BTBD9: variants seen among roughly 807,000 people sequenced by gnomAD.
The protein encoded by BTBD9 is BTB domain containing 9.
A neutral mutation model predicts 64.3 loss-of-function variants in BTBD9; 49 were observed. The observed-to-expected ratio is 0.76, with a 90% CI of 0.61 to 0.97. The LOEUF is 0.97. BTBD9 is among the 50% of genes least tolerant of loss of function. BTBD9 has a pLI of 0.00. For missense variants in BTBD9, 598 were observed against 762.1 expected (o/e 0.78, Z 2.53); for synonymous variants, 260 against 274.7 (o/e 0.95, Z 0.53).
At chr6:38,447,553 C>T (rs1299780309) in intron 6 of BTBD9, among the ~76,000 whole-genome samples, 1 of 152,124 alleles carries the variant, frequency 6.6e-6, no homozygotes, top group Admixed American at 6.5e-5. Flanking sequence ...TAGCATGTTG[C>T]TAAAGAGCAA....
intron 9 of BTBD9, among the ~76,000 whole-genome samples, chr6:38,235,801 C>CT (rs1175208402): frequency 1.3e-5 from 2 of 152,090 alleles, no homozygotes; most frequent in African/African-American, 4.8e-5. Flanking sequence ...TGGATCTTCC[C>CT]TTTTTTGTGC....
intron 9 of BTBD9, among the ~76,000 whole-genome samples, chr6:38,227,871 T>C (rs1763452684): frequency 6.6e-6 from 1 of 152,148 alleles, no homozygotes; most frequent in Admixed American, 6.5e-5. Context: ...CTGAAGAAAT[T>C]CAAAAGTGAA....
chr6:38,186,543 A>G (rs1421334007), intron 10 of BTBD9, among the ~76,000 whole-genome samples: 2 of 151,982 alleles, frequency 1.3e-5, no homozygotes, highest in Admixed American at 6.5e-5. Flanking sequence ...GCTTTCTTTG[A>G]CTGACTGACT....
intron 6 of BTBD9, among the ~76,000 whole-genome samples, chr6:38,532,240 T>C (rs1044667824): frequency 6.6e-6 from 1 of 152,122 alleles, no homozygotes; most frequent in African/African-American, 2.4e-5. Flanking sequence ...GCAGGAGCAT[T>C]TAGACCAGTC....
intron 1 of BTBD9, among the ~76,000 whole-genome samples, chr6:38,623,572 AAG>A (rs2127525622): frequency 6.6e-6 from 1 of 152,288 alleles, no homozygotes; most frequent in Non-Finnish European, 1.5e-5. Context: ...TTCTTAGGGG[AAG>A]AGTGTTGTTT....
intron 6 of BTBD9, among the ~76,000 whole-genome samples, chr6:38,403,072 G>C (rs1025828843): frequency 6.7e-6 from 1 of 148,700 alleles, no homozygotes; most frequent in East Asian, 2.0e-4. Context: ...CCAAAGAGAG[G>C]AGAGGGGAGG....
intron 1 of BTBD9, among the ~76,000 whole-genome samples, chr6:38,621,051 T>C (rs1777965413): frequency 6.6e-6 from 1 of 152,166 alleles, no homozygotes; most frequent in South Asian, 2.1e-4. Flanking sequence ...CCACAACCAG[T>C]GACATACCTA....
At chr6:38,604,637 G>A (rs1224325494) in intron 1 of BTBD9, among the ~76,000 whole-genome samples, 5 of 152,136 alleles carry the variant, frequency 3.3e-5, no homozygotes, top group Non-Finnish European at 5.9e-5. Flanking sequence ...ATGAAATTTA[G>A]AAAGTCAAAT....
chr6:38,531,752 G>A (rs569453250), intron 6 of BTBD9, among the ~76,000 whole-genome samples: 1 of 152,284 alleles, frequency 6.6e-6, no homozygotes, highest in East Asian at 1.9e-4. Context: ...TTGTGTATTA[G>A]TTTGTTTATG....
At chr6:38,228,864 C>T (rs1763503062) in intron 9 of BTBD9, among the ~76,000 whole-genome samples, 2 of 150,548 alleles carry the variant, frequency 1.3e-5, no homozygotes, top group African/African-American at 4.9e-5. Flanking sequence ...CAGAGCGAGG[C>T]TCCGTCTCAA....
chr6:38,523,138 G>A (rs767254061), intron 6 of BTBD9, among the ~76,000 whole-genome samples: 4 of 152,006 alleles, frequency 2.6e-5, no homozygotes, highest in Admixed American at 2.6e-4. Flanking sequence ...AGTTGAGATC[G>A]CTCCACTGTA....
chr6:38,378,853 G>A lies in BTBD9; in HGVS notation c.1155-33760C>T, dbSNP rs540904640. On this transcript the variant is annotated intron_variant, in intron 6 of 10. Transcript: ENST00000481247. ...GGCACTACTGCACTCCAGCCTGGGC[G>A]ACAAAGCAAGACTCCATCTCAAAAA... Among the ~76,000 whole-genome samples, 139 of 139,066 alleles carry A rather than the reference G, an allele frequency of 1.0e-3. 1 individual carries two copies. Among genetic ancestry groups the A allele is most frequent in the African/African-American group, 3.4e-3 (127 of 37,106 alleles). 91.2% of individuals were successfully genotyped at this position (139,066 alleles called of 152,430 possible).
intron 1 of BTBD9, among the ~76,000 whole-genome samples, chr6:38,600,715 A>G (rs1777211011): frequency 6.6e-6 from 1 of 152,182 alleles, no homozygotes; most frequent in African/African-American, 2.4e-5. Flanking sequence ...TACTTACTAA[A>G]TGACTCTTGA....
intron 9 of BTBD9, among the ~76,000 whole-genome samples, chr6:38,218,701 G>C (rs555230557): frequency 2.6e-5 from 4 of 152,282 alleles, no homozygotes; most frequent in African/African-American, 9.6e-5. Flanking sequence ...TGTGTGGCAC[G>C]GACAGAAGCT....
intron 1 of BTBD9, among the ~76,000 whole-genome samples, chr6:38,630,467 T>A (rs946840155): frequency 6.6e-6 from 1 of 152,190 alleles, no homozygotes; most frequent in African/African-American, 2.4e-5. Context: ...ATTGAAGGAT[T>A]GGGTATTATA....
intron 2 of BTBD9, chr6:38,595,920 T>C (rs1457281684): frequency 6.1e-6 from 6 of 985,384 alleles, no homozygotes; most frequent in Admixed American, 6.1e-5. Flanking sequence ...GTATGATCCA[T>C]GGTATTTATT....
intron 9 of BTBD9, among the ~76,000 whole-genome samples, chr6:38,247,076 T>G (rs1336202120): frequency 6.6e-6 from 1 of 151,924 alleles, no homozygotes; most frequent in Non-Finnish European, 1.5e-5. Context: ...TTGTTAAGTG[T>G]GAGATTAAGA....
chr6:38,437,460 T>C (rs1190875863), intron 6 of BTBD9, among the ~76,000 whole-genome samples: 2 of 152,242 alleles, frequency 1.3e-5, no homozygotes, highest in Non-Finnish European at 2.9e-5. Flanking sequence ...CCCATTACTA[T>C]TAATTTTTAC....
intron 6 of BTBD9, among the ~76,000 whole-genome samples, chr6:38,440,209 TAGAAA>T (rs1195338196): frequency 6.6e-6 from 1 of 152,084 alleles, no homozygotes; most frequent in Non-Finnish European, 1.5e-5. Flanking sequence ...TGCTTATGTA[TAGAAA>T]AGAAAAGAGG....
Sources: gnomAD v4.1 joint callset for allele counts (sites outside exome capture counted in the v4.1 genomes callset) on GRCh38, gnomAD v4.1.1 for gene constraint, MANE v1.5 for transcripts, NCBI Gene and HGNC (gene_info 2026-07-23, HGNC 2026-07-21) for gene names.